Variants in RAD51B observed in about 807,000 individuals in gnomAD.
RAD51B encodes the protein DNA repair protein RAD51 homolog 2.
Under a neutral mutation model 42.2 loss-of-function variants are expected in RAD51B, and 38 were observed. The ratio of observed to expected loss-of-function variants is 0.90; its 90% CI spans 0.70 to 1.18. The LOEUF is 1.18. RAD51B is among the 50% of genes most tolerant of loss of function. RAD51B has a pLI of 0.00. For missense variants in RAD51B, 373 were observed against 400.7 expected (o/e 0.93, Z 0.59); for synonymous variants, 154 against 145.2 (o/e 1.06, Z -0.43).
intron 4 of RAD51B, among the ~76,000 whole-genome samples, chr14:67,856,095 A>G (rs567560236): frequency 4.6e-5 from 7 of 152,264 alleles, no homozygotes; most frequent in African/African-American, 1.7e-4. Context: ...TATATCCCTT[A>G]ATACTGTTTG....
intron 9 of RAD51B, among the ~76,000 whole-genome samples, chr14:68,457,284 A>G (rs1479431754): frequency 1.3e-5 from 2 of 152,148 alleles, no homozygotes; most frequent in Admixed American, 1.3e-4. Flanking sequence ...ATTTAAAAAC[A>G]CACACAGACA....
At chr14:68,055,001 C>G (rs2076451866) in intron 7 of RAD51B, among the ~76,000 whole-genome samples, 2 of 152,100 alleles carry the variant, frequency 1.3e-5, no homozygotes, top group South Asian at 4.2e-4. Context: ...CACATTTGGT[C>G]ACAGAAGTCT....
At chr14:68,499,608 T>C (rs1489725871) in intron 10 of RAD51B, among the ~76,000 whole-genome samples, 1 of 152,172 alleles carries the variant, frequency 6.6e-6, no homozygotes, top group Non-Finnish European at 1.5e-5. Flanking sequence ...TAATTAAGGA[T>C]GTTGAGATGA....
intron 7 of RAD51B, among the ~76,000 whole-genome samples, chr14:68,283,794 C>G (rs1014050464): frequency 6.6e-6 from 1 of 152,232 alleles, no homozygotes. Flanking sequence ...GCTGCCGGCC[C>G]ACAGTTTCCA....
At chr14:68,393,344 C>T (rs1405090796) in intron 8 of RAD51B, among the ~76,000 whole-genome samples, 1 of 152,182 alleles carries the variant, frequency 6.6e-6, no homozygotes, top group Non-Finnish European at 1.5e-5. Context: ...AAGGTAATTA[C>T]ATTCTTCTAT....
intron 10 of RAD51B, among the ~76,000 whole-genome samples, chr14:68,604,841 ATGAG>A (rs1472300193): frequency 3.4e-5 from 4 of 117,838 alleles, no homozygotes; most frequent in Non-Finnish European, 8.0e-5. Context: ...GAGTGAATGA[ATGAG>A]TGAGTGAACT....
At chr14:68,397,446 T>C (rs906111800) in intron 8 of RAD51B, among the ~76,000 whole-genome samples, 3 of 152,216 alleles carry the variant, frequency 2.0e-5, no homozygotes, top group Non-Finnish European at 2.9e-5. Flanking sequence ...TTGACTGCCC[T>C]ACCCTCCACT....
intron 4 of RAD51B, among the ~76,000 whole-genome samples, chr14:67,861,660 A>G (rs2042168348): frequency 6.6e-6 from 1 of 151,634 alleles, no homozygotes; most frequent in South Asian, 2.1e-4. Flanking sequence ...CCTTTTTTGT[A>G]TGACAAGTGA....
At chr14:68,176,908 CA>C (rs1219834098) in intron 7 of RAD51B, among the ~76,000 whole-genome samples, 1 of 152,150 alleles carries the variant, frequency 6.6e-6, no homozygotes, top group African/African-American at 2.4e-5. Context: ...GCATATTAAT[CA>C]ACTGCACTAT....
chr14:68,150,094 G>A lies in RAD51B; in HGVS notation c.757-141790G>A, dbSNP rs142545233. On this transcript the variant is annotated intron_variant, in intron 7 of 10. Transcript: ENST00000471583. ...CAAGTAGTTGGGATTACAGGTATGC[G>A]CCACCACGCCCAGCTAATTTTGTAT... 8.5e-5 allele frequency among the ~76,000 whole-genome samples: 13 copies of A among 152,100 alleles called. No homozygotes were observed. In the South Asian group the frequency reaches 1.0e-3, roughly 12 times the overall value.
intron 8 of RAD51B, among the ~76,000 whole-genome samples, chr14:68,399,318 G>A (rs1383508645): frequency 6.7e-6 from 1 of 149,180 alleles, no homozygotes; most frequent in Non-Finnish European, 1.5e-5. Context: ...GTGCAGTGGC[G>A]CAATCTCGGC....
chr14:67,922,251 C>T (rs2044350243), intron 7 of RAD51B, among the ~76,000 whole-genome samples: 1 of 152,218 alleles, frequency 6.6e-6, no homozygotes, highest in African/African-American at 2.4e-5. Flanking sequence ...TGTTACTTCT[C>T]AGCAAACCTT....
chr14:68,457,503 G>A (rs1262160167), intron 9 of RAD51B, among the ~76,000 whole-genome samples: 1 of 152,086 alleles, frequency 6.6e-6, no homozygotes, highest in Admixed American at 6.5e-5. Flanking sequence ...AGAAAGAATT[G>A]GTGGCCCATA....
chr14:68,049,759 T>C (rs868380314), intron 7 of RAD51B, among the ~76,000 whole-genome samples: 5 of 152,230 alleles, frequency 3.3e-5, no homozygotes, highest in Non-Finnish European at 7.3e-5. Flanking sequence ...ATGCATCCTT[T>C]GCTGCTCACT....
At chr14:68,193,109 C>G (rs2079300318) in intron 7 of RAD51B, among the ~76,000 whole-genome samples, 1 of 152,158 alleles carries the variant, frequency 6.6e-6, no homozygotes. Context: ...ACCCCTCCAG[C>G]CACACAGGTT....
intron 10 of RAD51B, among the ~76,000 whole-genome samples, chr14:68,520,690 A>T (rs1167769456): frequency 6.6e-6 from 1 of 152,162 alleles, no homozygotes. Context: ...AATACTATCC[A>T]TTCAACAAAT....
intron 7 of RAD51B, among the ~76,000 whole-genome samples, chr14:68,052,654 T>C (rs1330175029): frequency 1.3e-5 from 2 of 151,656 alleles, no homozygotes; most frequent in Non-Finnish European, 2.9e-5. Context: ...GAGGTCTCAC[T>C]CTGTTGCCCA....
At position 68,053,482 on chromosome 14, in the gene RAD51B, A is replaced by T. The variant is rs570694891; in HGVS notation, c.756+166278A>T. Among the ~76,000 whole-genome samples the T allele has an allele frequency of 2.0e-4, 31 of 152,322 alleles. No individual in the cohort carries two copies. In the South Asian group the frequency reaches 2.1e-3, roughly 10 times the overall value. ...TGTTTTTGGTTGTGAGAATGTCAGC[A>T]TAGTACCTGGCTTCTAGAAAATGCT... On this transcript the variant is annotated intron_variant, in intron 7 of 10. Coordinates refer to ENST00000471583, the MANE Select transcript of RAD51B (RefSeq NM_133510.4).
chr14:67,926,558 C>CTTTTTTTTTT (rs534207569), intron 7 of RAD51B, among the ~76,000 whole-genome samples: 9 of 85,126 alleles, frequency 1.1e-4, no homozygotes, highest in Admixed American at 1.5e-4. Context: ...GATATGTTTC[C>CTTTTTTTTTT]TTTTTTTTTT....
Sources: allele counts gnomAD v4.1 joint callset (sites outside exome capture counted in the v4.1 genomes callset), GRCh38; gene constraint gnomAD v4.1.1; transcripts MANE v1.5; gene names NCBI Gene and HGNC (gene_info 2026-07-23, HGNC 2026-07-21).